EDRF1: variants seen among roughly 807,000 people sequenced by gnomAD.
EDRF1 encodes erythroid differentiation-related factor 1.
A neutral mutation model predicts 148.7 loss-of-function variants in EDRF1; 69 were observed. The observed-to-expected ratio is 0.46, with a 90% confidence interval of 0.38 to 0.57. The LOEUF (loss-of-function observed/expected upper bound fraction) is 0.57. Among genes scored for constraint, EDRF1 ranks in the 20% least tolerant of loss-of-function variants. The pLI is 0.00. For missense variants in EDRF1, 1,118 were observed against 1,478.7 expected, an observed-to-expected ratio of 0.76 and a Z score of 4.00; for synonymous variants, 515 against 532.8, an observed-to-expected ratio of 0.97 and a Z score of 0.46.
chr10:125,725,360 A>G lies in EDRF1; in HGVS notation c.553A>G (p.Ile185Val). ...TWLKEFYQRL[I>V]DQKWQRKKKS... ...GTTGAAAGAGTTTTATCAAAGACTC[A>G]TTGATCAGAAGTGGCAGAGGAAGAA... Residue 185 changes from isoleucine to valine, a missense_variant, in exon 5 of 25, where the codon ATT (isoleucine) becomes GTT (valine). Ile to Val is a conservative substitution (Grantham distance 29). Around this residue, in one of 3 missense-constraint regions of EDRF1, gnomAD observed 99 missense variants for 186.9 expected, o/e 0.53. Transcript: ENST00000356792. 6.2e-7 allele frequency: 1 copy of G among 1,614,046 alleles called. No homozygotes were observed. Among genetic ancestry groups the G allele is most frequent in the South Asian group, 1.1e-5 (1 of 91,088 alleles).
At chr10:125,736,744 G>A (rs947122818) in intron 13 of EDRF1, among the ~76,000 whole-genome samples, 5 of 151,742 alleles carry the variant, frequency 3.3e-5, no homozygotes, top group African/African-American at 1.2e-4. Context: ...TCATTGGAGG[G>A]TCTTTGTATT....
At chr10:125,745,615 A>T (rs1849310439) in intron 18 of EDRF1, 92 bp from the exon 19 acceptor site, 2 of 1,342,036 alleles carry the variant, frequency 1.5e-6, no homozygotes, top group South Asian at 1.2e-5. Context: ...CACTCCTGTC[A>T]CTGCCATCCT....
Position 125,740,556 on chromosome 10 carries a change from C to T in EDRF1, c.2075C>T (p.Ser692Leu), listed in dbSNP as rs1329328761. ...HKMKLQLILKSSKAYYVLSDA... is the reference protein window; with the variant it reads ...HKMKLQLILKLSKAYYVLSDA... ...ATGAAACTTCAGCTGATTCTCAAGT[C>T]ATCAAAGGCCTATTATGTTTTGTCC... Residue 692 changes from serine (S) to leucine (L), a missense_variant, in exon 16 of 25, where the codon TCA (serine) becomes TTA (leucine). This residue lies in a region of EDRF1 where 954 missense variants were observed against 1,241.4 expected (regional missense o/e 0.77). Coordinates refer to ENST00000356792, the MANE Select transcript of EDRF1 (RefSeq NM_001202438.2). 3.1e-6 allele frequency: 5 copies of T among 1,613,956 alleles called. No individual in the cohort carries two copies. Among genetic ancestry groups the T allele is most frequent in the African/African-American group, 1.3e-5 (1 of 74,908 alleles).
chr10:125,762,084 G>C (rs1228349340), intron 24 of EDRF1, among the ~76,000 whole-genome samples: 1 of 152,150 alleles, frequency 6.6e-6, no homozygotes, highest in African/African-American at 2.4e-5. Context: ...AGTGGGAATT[G>C]GAGGGGAGAA....
chr10:125,754,875 G>A (rs1036648299), intron 24 of EDRF1, among the ~76,000 whole-genome samples: 3 of 152,116 alleles, frequency 2.0e-5, no homozygotes, highest in Non-Finnish European at 4.4e-5. Flanking sequence ...TAATCTTAGG[G>A]TACAGATCAT....
In EDRF1 at chr10:125,749,445, G is replaced by A. The variant is rs77292028; in HGVS notation, c.3157G>A (p.Val1053Met). ...GDEHLRKQHR[V>M]LADLHYSKAA... is the part of the protein sequence containing the mutation. ...TGAACACCTTAGGAAACAACACCGG[G>A]TGCTGGCAGATCTTCATTACAGCAA... is the stretch of plus-strand genomic sequence containing the variant. Residue 1053 changes from valine (V) to methionine (M), a missense_variant, in exon 22 of 25, where the codon GTG becomes ATG. Val to Met is a conservative substitution (Grantham distance 21). This residue lies in a region of EDRF1 where 954 missense variants were observed against 1,241.4 expected (regional missense o/e 0.77). Coordinates refer to ENST00000356792, the MANE Select transcript of EDRF1 (RefSeq NM_001202438.2). The A allele has an allele frequency of 1.4e-3, 2,256 of 1,614,186 alleles. 6 individuals are homozygous for A. Among genetic ancestry groups the A allele is most frequent in the South Asian group, 2.5e-3 (231 of 91,082 alleles).
At chr10:125,755,726 T>A (rs1182797371) in intron 24 of EDRF1, among the ~76,000 whole-genome samples, 1 of 152,228 alleles carries the variant, frequency 6.6e-6, no homozygotes, top group Non-Finnish European at 1.5e-5. Flanking sequence ...GGGTCCATCA[T>A]CTAAATTGTC....
chr10:125,763,355 G>A lies in EDRF1; in HGVS notation c.3600G>A (p.Gln1200=). 5 of 1,613,630 alleles carry A rather than the reference G, an allele frequency of 3.1e-6. No individual in the cohort carries two copies. The highest frequency in any genetic ancestry group is 4.2e-6 in the Non-Finnish European group (5 of 1,180,024). The part of the protein sequence containing the change: ...ILKTNKHIYS[Q]LLRATANKTA... Reference sequence around the variant, plus strand: ...AAACCAACAAGCACATTTACTCCCAGCTTTTGAGAGCAACTGCAAATAAAA... The same window carrying A: ...AAACCAACAAGCACATTTACTCCCAACTTTTGAGAGCAACTGCAAATAAAA... The change falls in exon 25 of 25, where the codon CAG becomes CAA. Residue 1200 remains glutamine (Q), a synonymous_variant. Transcript: ENST00000356792. This position sits in a 1 kb window ranked among gnomAD's most constrained non-coding sequence, Gnocchi z 4.3.
Position 125,748,008 on chromosome 10 carries a change from A to T in EDRF1, c.3119A>T (p.Asn1040Ile). The change falls in exon 21 of 25, where the codon AAT becomes ATT. Residue 1040 changes from asparagine to isoleucine, a missense_variant. Transcript: ENST00000356792. The part of the protein sequence containing the change: ...LASMYHSCLR[N>I]QVGDEHLRKQ... ...TCCATGTACCACAGCTGTCTGAGGA[A>T]TCAGGTATTGTCAGTCCAAGTTAAG... 4 of 1,614,172 alleles carry T rather than the reference A, an allele frequency of 2.5e-6. No individual in the cohort carries two copies. Among genetic ancestry groups the T allele is most frequent in the Non-Finnish European group, 3.4e-6 (4 of 1,180,018 alleles).
At chr10:125,720,701 C>T (rs944541115) in intron 1 of EDRF1, among the ~76,000 whole-genome samples, 1 of 151,490 alleles carries the variant, frequency 6.6e-6, no homozygotes, top group Non-Finnish European at 1.5e-5. Context: ...ATTCCAGCTA[C>T]TAGGGAGGCT....
intron 12 of EDRF1, among the ~76,000 whole-genome samples, chr10:125,734,413 C>T (rs1186375678): frequency 6.6e-6 from 1 of 152,074 alleles, no homozygotes; most frequent in Non-Finnish European, 1.5e-5. Context: ...GTACCTATTA[C>T]ATGTTGAAAT....
At position 125,721,283 on chromosome 10, in the gene EDRF1, C is replaced by T. The variant is rs1158251126; in HGVS notation, c.188C>T (p.Ala63Val). 3 of 1,614,108 alleles carry T rather than the reference C, an allele frequency of 1.9e-6. No homozygotes were observed. The highest frequency in any genetic ancestry group is 2.5e-6 in the Non-Finnish European group (3 of 1,180,054). Reference sequence around the variant, plus strand: ...TACTCTTCTGCCCCTCCTCGAACAGCATTTGCACGCCTTGAAGAGAAAACA... The same window carrying T: ...TACTCTTCTGCCCCTCCTCGAACAGTATTTGCACGCCTTGAAGAGAAAACA... Reference protein sequence around the residue: ...VKYSSAPPRTAFARLEEKTDL... With the variant: ...VKYSSAPPRTVFARLEEKTDL... The change falls in exon 2 of 25, where the codon GCA becomes GTA. Residue 63 changes from alanine to valine, a missense_variant. Physicochemically the swap from Ala to Val is moderately conservative, Grantham distance 64. Coordinates refer to ENST00000356792, the MANE Select transcript of EDRF1 (RefSeq NM_001202438.2).
intron 24 of EDRF1, among the ~76,000 whole-genome samples, chr10:125,761,617 T>G (rs573509932): frequency 6.6e-5 from 10 of 152,150 alleles, no homozygotes; most frequent in Non-Finnish European, 1.2e-4. Context: ...GCCTGTGAGA[T>G]GATGGAGCCC....
chr10:125,740,867 T>C, intron 16 of EDRF1, 134 bp from the exon 17 acceptor site: 1 of 1,133,732 alleles, frequency 8.8e-7, no homozygotes, highest in East Asian at 2.4e-5. Context: ...ATATGTATTG[T>C]TGGACCTAAA....
chr10:125,758,496 G>A (rs145786425), intron 24 of EDRF1, among the ~76,000 whole-genome samples: 75 of 152,094 alleles, frequency 4.9e-4, no homozygotes, highest in African/African-American at 1.7e-3. Context: ...CCCCTGCTAC[G>A]GCTTTAGTGT....
At chr10:125,754,224 A>T (rs189477988) in intron 24 of EDRF1, among the ~76,000 whole-genome samples, 46 of 152,178 alleles carry the variant, frequency 3.0e-4, no homozygotes, top group African/African-American at 9.2e-4. Flanking sequence ...TCAAAAAAAA[A>T]AAAAAAGGAA....
At chr10:125,747,740 C>G (rs371832230) in intron 20 of EDRF1, 46 bp downstream of exon 20, 16 of 1,611,780 alleles carry the variant, frequency 9.9e-6, no homozygotes, top group East Asian at 2.2e-5. Flanking sequence ...AATCTAATTC[C>G]CTTGTTTAAC....
intron 19 of EDRF1, among the ~76,000 whole-genome samples, chr10:125,746,258 A>T (rs1455764822): frequency 6.6e-6 from 1 of 152,252 alleles, no homozygotes. Flanking sequence ...CTTATATGAT[A>T]GGTTACAGAA....
rs1308909133 is a variant in EDRF1, at chr10:125,740,572, T to C, written c.2091T>C (p.Tyr697=). The change falls in exon 16 of 25, where the codon TAT becomes TAC. Residue 697 remains tyrosine (Y), a synonymous_variant. Transcript: ENST00000356792. ...TTCTCAAGTCATCAAAGGCCTATTA[T>C]GTTTTGTCCGATGCTGCCATGAGTC... ...QLILKSSKAY[Y]VLSDAAMSLQ... is the part of the protein sequence containing the mutation. 1.9e-6 allele frequency: 3 copies of C among 1,614,048 alleles called. No homozygotes were observed. The highest frequency in any genetic ancestry group is 1.3e-5 in the African/African-American group (1 of 74,924).
Sources: allele counts gnomAD v4.1 joint callset (sites outside exome capture counted in the v4.1 genomes callset), GRCh38; gene constraint gnomAD v4.1.1; regional missense constraint gnomAD v4.1.1; non-coding constraint Gnocchi (gnomAD v3.1); transcripts MANE v1.5; gene names NCBI Gene and HGNC (gene_info 2026-07-23, HGNC 2026-07-21).